ABCA3: variants seen among roughly 807,000 people sequenced by gnomAD.
ABCA3 encodes ATP binding cassette subfamily A member 3.
In ABCA3, 88 loss-of-function variants were observed where a neutral mutation model predicts 172.8. The ratio of observed to expected loss-of-function variants is 0.51; its 90% CI spans 0.43 to 0.61. The LOEUF is 0.61. Among genes scored for constraint, ABCA3 ranks in the 20% least tolerant of loss-of-function variants. The probability of loss-of-function intolerance (pLI) is 0.00; values close to 1 mark genes in which losing one functional copy is unlikely to be tolerated. For missense variants in ABCA3, 2,164 were observed against 2,301.0 expected (o/e 0.94, Z 1.22); for synonymous variants, 1,066 against 983.8 (o/e 1.08, Z -1.56).
rs748285120 is a variant in ABCA3, at chr16:2,279,020, G to T, written c.4470C>A (p.His1490Gln). Residue 1490 changes from histidine (H) to glutamine (Q), a missense_variant, in exon 29 of 33, where the codon CAC (histidine) becomes CAA (glutamine). His to Gln is a conservative substitution (Grantham distance 24, BLOSUM62 0). Transcript: ENST00000301732. The surrounding 1 kb of genome is among the most constrained non-coding windows in gnomAD (Gnocchi z 4.4). ...YARLRGIPER[H>Q]IGACVENTLR... Reference sequence around the variant, plus strand: ...GAGTGTTCTCCACGCAGGCCCCGATGTGGCGCTCAGGGATGCCCCGGAGCC... The same window carrying T: ...GAGTGTTCTCCACGCAGGCCCCGATTTGGCGCTCAGGGATGCCCCGGAGCC... 10 of 1,613,564 alleles carry T rather than the reference G, an allele frequency of 6.2e-6. No individual in the cohort carries two copies. Among genetic ancestry groups the T allele is most frequent in the Non-Finnish European group, 8.5e-6 (10 of 1,180,052 alleles).
intron 1 of ABCA3, chr16:2,332,642 G>A (rs1436179609): frequency 1.1e-5 from 18 of 1,602,008 alleles, no homozygotes; most frequent in Admixed American, 3.4e-5. Flanking sequence ...TTCTCCAGGG[G>A]CCGCCCGTTC....
chr16:2,310,476 T>C (rs981837295), intron 10 of ABCA3, among the ~76,000 whole-genome samples: 1 of 151,556 alleles, frequency 6.6e-6, no homozygotes, highest in Non-Finnish European at 1.5e-5. Flanking sequence ...TTCCACAATT[T>C]ACTGAGAAGA....
rs1419817235 is a variant in ABCA3 at position 2,285,475 on chromosome 16, G to A, written c.3450C>T (p.Leu1150=). ...SFWLSALLWD[L]ISFLIPSLLL... is the part of the protein sequence containing the mutation. ...GCAGACTGGGGATGAGGAAGGAGAT[G>A]AGGTCCCACAGCAGAGCAGAGAGCC... Residue 1150 remains leucine (L), a synonymous_variant, in exon 23 of 33, where the codon CTC becomes CTT. Transcript: ENST00000301732. The surrounding 1 kb of genome is among the most constrained non-coding windows in gnomAD (Gnocchi z 4.7). The A allele has an allele frequency of 6.2e-6, 10 of 1,611,760 alleles. No individual in the cohort carries two copies. The highest frequency in any genetic ancestry group is 1.3e-5 in the African/African-American group (1 of 74,922).
chr16:2,330,748 G>C (rs1035236923), intron 1 of ABCA3, among the ~76,000 whole-genome samples: 1 of 144,224 alleles, frequency 6.9e-6, no homozygotes, highest in Non-Finnish European at 1.5e-5. Flanking sequence ...TCCCAGGTTG[G>C]AGTGCAGTGC....
At position 2,285,348 on chromosome 16, in the gene ABCA3, GGGCTGCCCAGCT is replaced by G; in HGVS notation, c.3483+82_3483+93del. ...GAGTCGGGCCGAGCTGCCGGCCTAG[GGGCTGCCCAGCT>G]GGTTCCGGTTCTGCACAGGGGTCCC... is the stretch of plus-strand genomic sequence containing the variant. On this transcript the variant is annotated intron_variant, in intron 23 of 32. Coordinates refer to ENST00000301732, the MANE Select transcript of ABCA3 (RefSeq NM_001089.3). This position sits in a 1 kb window ranked among gnomAD's most constrained non-coding sequence, Gnocchi z 4.7. The G allele has an allele frequency of 6.8e-7, 1 of 1,466,520 alleles. No individual in the cohort carries two copies. The highest frequency in any genetic ancestry group is 2.5e-5 in the East Asian group (1 of 40,602). 90.8% of individuals were successfully genotyped at this position (1,466,520 alleles called of 1,614,324 possible).
intron 10 of ABCA3, among the ~76,000 whole-genome samples, chr16:2,315,091 G>T (rs368408699): frequency 6.0e-4 from 90 of 150,790 alleles, no homozygotes; most frequent in African/African-American, 2.1e-3. Flanking sequence ...CACTGTGTTG[G>T]CCAGGATGGT....
chr16:2,281,585 G>T lies in ABCA3; in HGVS notation c.4036-76C>A. ...TTCCGTGGAGAAGGGAGGGGCGGGG[G>T]TGGATGTGGGAGGTCTGGTGGGACT... On this transcript the variant is annotated intron_variant, in intron 26 of 32. Transcript: ENST00000301732. The surrounding 1 kb of genome is among the most constrained non-coding windows in gnomAD (Gnocchi z 4.7). 1 of 1,204,482 alleles carries T rather than the reference G, an allele frequency of 8.3e-7. No individual in the cohort carries two copies. Among genetic ancestry groups the T allele is most frequent in the Non-Finnish European group, 1.2e-6 (1 of 838,082 alleles). 74.6% of individuals were successfully genotyped at this position (1,204,482 alleles called of 1,614,324 possible).
intron 1 of ABCA3, 28 bp downstream of exon 1, chr16:2,340,545 G>T (rs1427485551): frequency 2.7e-5 from 4 of 149,340 alleles, no homozygotes; most frequent in African/African-American, 9.7e-5. Context: ...GAACGAGCGC[G>T]CGAGCGGCGG....
chr16:2,340,308 C>T (rs965008511), intron 1 of ABCA3, among the ~76,000 whole-genome samples: 2 of 152,024 alleles, frequency 1.3e-5, no homozygotes, highest in Admixed American at 1.3e-4. Context: ...GCCCGCAGTG[C>T]GGGACACGCC....
intron 10 of ABCA3, among the ~76,000 whole-genome samples, chr16:2,312,389 T>C (rs183597402): frequency 3.7e-4 from 57 of 152,354 alleles, no homozygotes; most frequent in Admixed American, 6.5e-4. Context: ...AGATAATCCA[T>C]GGTTCAGTAC....
At position 2,278,425 on chromosome 16, in the gene ABCA3, G is replaced by A. The variant is rs375432317; in HGVS notation, c.4581C>T (p.Ile1527=). ...TGACAGCAGGCTCTCCGATCAGGGC[G>A]ATGCCGGTGCTCAGCTTCCGCTTGT... The part of the protein sequence containing the change: ...GGNKRKLSTG[I]ALIGEPAVIF... The change falls in exon 30 of 33, where the codon ATC becomes ATT. Residue 1527 remains isoleucine, a synonymous_variant. Transcript: ENST00000301732. The surrounding 1 kb of genome is among the most constrained non-coding windows in gnomAD (Gnocchi z 4.4). 1.9e-5 allele frequency: 30 copies of A among 1,612,868 alleles called. No individual in the cohort carries two copies. The highest frequency in any genetic ancestry group is 1.8e-4 in the East Asian group (8 of 44,890).
At chr16:2,313,070 T>A (rs1004304333) in intron 10 of ABCA3, among the ~76,000 whole-genome samples, 1 of 151,562 alleles carries the variant, frequency 6.6e-6, no homozygotes, top group Admixed American at 6.6e-5. Context: ...AAAAAAAATT[T>A]AAAAAATAAG....
At chr16:2,316,139 A>AG (rs1378211978) in intron 10 of ABCA3, among the ~76,000 whole-genome samples, 2 of 119,900 alleles carry the variant, frequency 1.7e-5, no homozygotes, top group African/African-American at 6.1e-5. Flanking sequence ...AAACATGGTG[A>AG]GAAAAAAAAA....
At chr16:2,288,609 G>A (rs2093666925) in intron 20 of ABCA3, among the ~76,000 whole-genome samples, 1 of 152,186 alleles carries the variant, frequency 6.6e-6, no homozygotes, top group Non-Finnish European at 1.5e-5. Flanking sequence ...GGGGTGGAGT[G>A]CAGTGGTGTG....
At position 2,332,380 on chromosome 16, in the gene ABCA3, C is replaced by T. The variant is rs545685969; in HGVS notation, c.-538-2526G>A. 1.0e-3 allele frequency: 992 copies of T among 955,110 alleles called. 14 individuals carry two copies. In the South Asian group the frequency reaches 0.012, roughly 12 times the overall value. 59.2% of individuals were successfully genotyped at this position (955,110 alleles called of 1,614,324 possible). On this transcript the variant is annotated intron_variant, in intron 1 of 32. Coordinates refer to ENST00000301732, the MANE Select transcript of ABCA3 (RefSeq NM_001089.3). ...TCTAAACTTTTTGGACTCGCAGGGA[C>T]GGGGATCAGCTACCAGCAGGGTCCG...
At chr16:2,291,849 G>A (rs551137639) in intron 19 of ABCA3, among the ~76,000 whole-genome samples, 70 of 152,204 alleles carry the variant, frequency 4.6e-4, no homozygotes, top group African/African-American at 1.1e-3. Flanking sequence ...CAAGGTGGGC[G>A]GATCACCTGA....
At chr16:2,327,206 C>G (rs972838360) in intron 3 of ABCA3, among the ~76,000 whole-genome samples, 4 of 152,026 alleles carry the variant, frequency 2.6e-5, no homozygotes, top group African/African-American at 9.7e-5. Flanking sequence ...CCTCAACCTC[C>G]TGGGCTTGTG....
Position 2,285,604 on chromosome 16 carries a change from G to C in ABCA3, c.3321C>G (p.Ala1107=). 6.4e-7 allele frequency: 1 copy of C among 1,557,986 alleles called. No homozygotes were observed. The highest frequency in any genetic ancestry group is 8.7e-7 in the Non-Finnish European group (1 of 1,150,418). ...AGAACGTGCTGGCCAAGAATGCCATGGCGAAGAGCAGGTTGAGGGCAATGT... is the reference window on the plus strand; with the variant it reads ...AGAACGTGCTGGCCAAGAATGCCATCGCGAAGAGCAGGTTGAGGGCAATGT... The part of the protein sequence containing the change: ...GFDIALNLLF[A]MAFLASTFSI... Residue 1107 remains alanine (A), a synonymous_variant, in exon 23 of 33, where the codon GCC becomes GCG. Coordinates refer to ENST00000301732, the MANE Select transcript of ABCA3 (RefSeq NM_001089.3). The surrounding 1 kb of genome is among the most constrained non-coding windows in gnomAD (Gnocchi z 4.7).
intron 8 of ABCA3, among the ~76,000 whole-genome samples, chr16:2,318,538 A>C (rs1166431526): frequency 6.7e-6 from 1 of 148,170 alleles, no homozygotes; most frequent in Non-Finnish European, 1.5e-5. Context: ...TTTTAGATGG[A>C]GTCTTGCTCT....
Sources: allele counts gnomAD v4.1 joint callset (sites outside exome capture counted in the v4.1 genomes callset), GRCh38; gene constraint gnomAD v4.1.1; non-coding constraint Gnocchi (gnomAD v3.1); transcripts MANE v1.5; gene names NCBI Gene and HGNC (gene_info 2026-07-23, HGNC 2026-07-21).